Variants in SLC9A9 observed in about 807,000 individuals in gnomAD.
SLC9A9 encodes the protein solute carrier family 9 member A9, also known as sodium/hydrogen exchanger 9.
A neutral mutation model predicts 77.8 loss-of-function variants in SLC9A9; 62 were observed. The ratio of observed to expected loss-of-function variants is 0.80; its 90% CI spans 0.65 to 0.98. SLC9A9 has a LOEUF of 0.98. Ranked by LOEUF, SLC9A9 falls within the 50% of genes least tolerant of loss-of-function variation. SLC9A9 has a pLI of 0.00. For missense variants in SLC9A9, 775 were observed against 774.9 expected, an observed-to-expected ratio of 1.00 and a Z score of 0.00; for synonymous variants, 320 against 283.5, an observed-to-expected ratio of 1.13 and a Z score of -1.29.
chr3:143,306,799 T>C (rs922974412), intron 14 of SLC9A9, among the ~76,000 whole-genome samples: 29 of 152,284 alleles, frequency 1.9e-4, no homozygotes, highest in African/African-American at 6.5e-4. Context: ...AAAATGCAAC[T>C]CTAGAATATG....
At chr3:143,605,955 C>A (rs1280580194) in intron 6 of SLC9A9, among the ~76,000 whole-genome samples, 1 of 152,052 alleles carries the variant, frequency 6.6e-6, no homozygotes, top group African/African-American at 2.4e-5. Flanking sequence ...AAAGGGAAAA[C>A]CCACAGTGAG....
chr3:143,612,172 C>T (rs957510214), intron 6 of SLC9A9, among the ~76,000 whole-genome samples: 5 of 152,222 alleles, frequency 3.3e-5, no homozygotes, highest in African/African-American at 1.2e-4. Context: ...TGACCCTATT[C>T]ACCTGCACAG....
At chr3:143,795,234 T>C (rs2008346238) in intron 3 of SLC9A9, among the ~76,000 whole-genome samples, 157 bp from the exon 4 acceptor site, 1 of 148,320 alleles carries the variant, frequency 6.7e-6, no homozygotes, top group Admixed American at 6.8e-5. Context: ...TAATAGGGAC[T>C]TAACTGATTA....
rs1559872761 is a variant in SLC9A9, at chr3:143,336,139, G to A, written c.1604+27345C>T. Among the ~76,000 whole-genome samples, 11 of 152,098 alleles carry A rather than the reference G, an allele frequency of 7.2e-5. 1 individual carries two copies. The South Asian group carries it at 1.9e-3, about 26-fold the overall frequency. ...TCAAAGAAGATATGCAAGTTAACAAGCATATGAAAAGATGCTCAATATCTC... is the reference window on the plus strand; with the variant it reads ...TCAAAGAAGATATGCAAGTTAACAAACATATGAAAAGATGCTCAATATCTC... On this transcript the variant is annotated intron_variant, in intron 14 of 15. Coordinates refer to ENST00000316549, the MANE Select transcript of SLC9A9 (RefSeq NM_173653.4).
intron 5 of SLC9A9, among the ~76,000 whole-genome samples, chr3:143,682,349 C>A (rs1410127254): frequency 1.3e-5 from 2 of 152,194 alleles, no homozygotes; most frequent in East Asian, 3.9e-4. Context: ...TTTTATAAAA[C>A]AAGGGTGGTA....
At chr3:143,570,029 C>A (rs558741841) in intron 8 of SLC9A9, among the ~76,000 whole-genome samples, 2 of 151,602 alleles carry the variant, frequency 1.3e-5, no homozygotes, top group East Asian at 1.9e-4. Flanking sequence ...TGGTCTGGAA[C>A]TCTTGGGCCC....
intron 4 of SLC9A9, among the ~76,000 whole-genome samples, chr3:143,718,445 C>T (rs1297068376): frequency 6.6e-6 from 1 of 152,182 alleles, no homozygotes; most frequent in East Asian, 1.9e-4. Flanking sequence ...AACATTTCTG[C>T]CTTTGTTACA....
At chr3:143,378,373 C>A (rs1468822149) in intron 13 of SLC9A9, among the ~76,000 whole-genome samples, 1 of 152,146 alleles carries the variant, frequency 6.6e-6, no homozygotes, top group Admixed American at 6.5e-5. Context: ...TGTTCTTGGG[C>A]AAGTTTTGTC....
chr3:143,717,804 CAG>C (rs755622299), intron 4 of SLC9A9, among the ~76,000 whole-genome samples: 5 of 152,136 alleles, frequency 3.3e-5, no homozygotes, highest in Non-Finnish European at 7.3e-5. Flanking sequence ...TTCTTCATTT[CAG>C]AGAGAGCTAT....
intron 6 of SLC9A9, among the ~76,000 whole-genome samples, chr3:143,648,994 T>C (rs1400835904): frequency 1.3e-5 from 2 of 152,194 alleles, no homozygotes; most frequent in African/African-American, 2.4e-5. Flanking sequence ...CTATTACCGG[T>C]GTTCAGTTAC....
chr3:143,523,136 C>T (rs1186146282), intron 9 of SLC9A9, among the ~76,000 whole-genome samples: 1 of 152,092 alleles, frequency 6.6e-6, no homozygotes, highest in Admixed American at 6.5e-5. Flanking sequence ...TTAGCACCTC[C>T]AGAATCATAT....
intron 11 of SLC9A9, among the ~76,000 whole-genome samples, chr3:143,480,545 A>C (rs1244015222): frequency 2.6e-5 from 4 of 152,104 alleles, no homozygotes; most frequent in Admixed American, 2.6e-4. Flanking sequence ...TTTGTGGCTC[A>C]TTTCCTGCAT....
At chr3:143,581,797 T>C (rs1351762114) in intron 6 of SLC9A9, among the ~76,000 whole-genome samples, 1 of 152,136 alleles carries the variant, frequency 6.6e-6, no homozygotes, top group African/African-American at 2.4e-5. Context: ...CACCTTCCTG[T>C]ATACAAGCAT....
chr3:143,614,369 C>A (rs13082568), intron 6 of SLC9A9, among the ~76,000 whole-genome samples: 4 of 152,094 alleles, frequency 2.6e-5, no homozygotes, highest in South Asian at 4.1e-4. Flanking sequence ...TTGATCAGTG[C>A]CTTGATTTGA....
intron 8 of SLC9A9, among the ~76,000 whole-genome samples, chr3:143,561,073 T>G (rs1453038373): frequency 6.6e-6 from 1 of 152,030 alleles, no homozygotes; most frequent in Non-Finnish European, 1.5e-5. Flanking sequence ...CCCAGCTACT[T>G]GGGAGGTTGA....
intron 5 of SLC9A9, among the ~76,000 whole-genome samples, chr3:143,664,014 G>A (rs1456854771): frequency 1.3e-5 from 2 of 152,070 alleles, no homozygotes; most frequent in South Asian, 2.1e-4. Flanking sequence ...GACCAACCCC[G>A]AGACACGTAA....
chr3:143,544,009 A>C (rs2036739393), intron 9 of SLC9A9, among the ~76,000 whole-genome samples: 1 of 151,864 alleles, frequency 6.6e-6, no homozygotes, highest in African/African-American at 2.4e-5. Flanking sequence ...GCAGTGTATG[A>C]GTTCTCTTTT....
chr3:143,345,208 T>C (rs376308102), intron 14 of SLC9A9, among the ~76,000 whole-genome samples: 1 of 152,208 alleles, frequency 6.6e-6, no homozygotes, highest in African/African-American at 2.4e-5. Context: ...TTTGTTTCCA[T>C]GTTATTGTAA....
At chr3:143,834,907 A>G (rs866380811) in intron 1 of SLC9A9, among the ~76,000 whole-genome samples, 4 of 152,228 alleles carry the variant, frequency 2.6e-5, no homozygotes, top group Middle Eastern at 3.4e-3. Flanking sequence ...CTGAGGAGGC[A>G]ATTGACCAGT....
Sources: allele counts gnomAD v4.1 joint callset (sites outside exome capture counted in the v4.1 genomes callset), GRCh38; gene constraint gnomAD v4.1.1; transcripts MANE v1.5; gene names NCBI Gene and HGNC (gene_info 2026-07-23, HGNC 2026-07-21).